Variants in ARHGEF10L observed in about 807,000 individuals in gnomAD.
The protein encoded by ARHGEF10L is Rho guanine nucleotide exchange factor 10 like, also known as rho guanine nucleotide exchange factor 10-like protein.
Under a neutral mutation model 141.2 loss-of-function variants are expected in ARHGEF10L, and 69 were observed. The ratio of observed to expected loss-of-function variants is 0.49; its 90% CI spans 0.40 to 0.60. The LOEUF is 0.60. Among genes scored for constraint, ARHGEF10L ranks in the 20% least tolerant of loss-of-function variants. The pLI is 0.00. For synonymous variants in ARHGEF10L, 711 were observed against 718.5 expected, an observed-to-expected ratio of 0.99 and a Z score of 0.17; for missense variants, 1,482 against 1,734.3, an observed-to-expected ratio of 0.85 and a Z score of 2.58.
intron 4 of ARHGEF10L, among the ~76,000 whole-genome samples, chr1:17,593,730 A>G (rs758521999): frequency 1.3e-5 from 2 of 151,898 alleles, no homozygotes; most frequent in Admixed American, 6.5e-5. Flanking sequence ...TGACCTCCAC[A>G]CCTGTGAGAA....
intron 1 of ARHGEF10L, among the ~76,000 whole-genome samples, chr1:17,560,856 C>T (rs1239828448): frequency 3.3e-5 from 5 of 152,202 alleles, no homozygotes; most frequent in Non-Finnish European, 5.9e-5. Flanking sequence ...TGAGCCACTG[C>T]GCCTGGCCCT....
At chr1:17,549,594 C>T (rs2077039906) in intron 1 of ARHGEF10L, among the ~76,000 whole-genome samples, 1 of 152,144 alleles carries the variant, frequency 6.6e-6, no homozygotes, top group African/African-American at 2.4e-5. Flanking sequence ...AAAAGTATTC[C>T]GGGTAGGAGC....
At chr1:17,601,231 A>G (rs951136391) in intron 4 of ARHGEF10L, among the ~76,000 whole-genome samples, 24 of 152,102 alleles carry the variant, frequency 1.6e-4, no homozygotes, top group African/African-American at 5.3e-4. Flanking sequence ...TACCCATTTC[A>G]TGACGTCTTA....
At chr1:17,636,818 C>T (rs1282153807) in intron 18 of ARHGEF10L, among the ~76,000 whole-genome samples, 1 of 152,160 alleles carries the variant, frequency 6.6e-6, no homozygotes, top group South Asian at 2.1e-4. Context: ...TTCCCCTCCA[C>T]TCCCCTGGGG....
rs914917168 is a variant in ARHGEF10L at position 17,644,129 on chromosome 1, T to C, written c.2272+3827T>C. ...AAGGGGACATGGGCCTGGCAGGCCA[T>C]GGCTAATGCCAAACTCACAGGGACA... On this transcript the variant is annotated intron_variant, in intron 21 of 28. Transcript: ENST00000361221. This position sits in a 1 kb window ranked among gnomAD's most constrained non-coding sequence, Gnocchi z 4.5. Among the ~76,000 whole-genome samples the C allele has an allele frequency of 6.6e-6, 1 of 152,364 alleles. No individual in the cohort carries two copies. Among genetic ancestry groups the C allele is most frequent in the Admixed American group, 6.5e-5 (1 of 15,308 alleles).
At chr1:17,565,604 C>T (rs1315059145) in intron 1 of ARHGEF10L, among the ~76,000 whole-genome samples, 2 of 152,210 alleles carry the variant, frequency 1.3e-5, no homozygotes, top group Admixed American at 6.5e-5. Context: ...TTCTCCTTCC[C>T]CTTCTGGACC....
rs114336769 is a variant in ARHGEF10L, at chr1:17,622,985, C to G, written c.1021-11C>G. On this transcript the variant is annotated splice_polypyrimidine_tract_variant and intron_variant, in intron 11 of 28. Transcript: ENST00000361221. Reference sequence around the variant, plus strand: ...GCCTGGCCTGCGGCCTCACCCCGCCCTCCCCGGCAGGACTACCGCAACCCC... The same window carrying G: ...GCCTGGCCTGCGGCCTCACCCCGCCGTCCCCGGCAGGACTACCGCAACCCC... 686 of 1,609,048 alleles carry G rather than the reference C, an allele frequency of 4.3e-4. 2 individuals carry two copies. In the African/African-American group the frequency reaches 8.5e-3, roughly 20 times the overall value.
At position 17,623,109 on chromosome 1, in the gene ARHGEF10L, C is replaced by A; in HGVS notation, c.1134C>A (p.Ile378=). Residue 378 remains isoleucine, a synonymous_variant, in exon 12 of 29, where the codon ATC becomes ATA. Transcript: ENST00000361221. The surrounding 1 kb of genome is among the most constrained non-coding windows in gnomAD (Gnocchi z 4.7). ...TGCACTGCCACTCCATGTTCCAGAT[C>A]GCCCTGTCCTCCCGCGTGGCTGAGT... The part of the protein sequence containing the change: ...EILHCHSMFQ[I]ALSSRVAEWD... 1.2e-6 allele frequency: 2 copies of A among 1,614,204 alleles called. No individual in the cohort carries two copies. The highest frequency in any genetic ancestry group is 8.5e-7 in the Non-Finnish European group (1 of 1,180,030).
chr1:17,587,121 A>G (rs544099898), intron 2 of ARHGEF10L, among the ~76,000 whole-genome samples: 25 of 152,360 alleles, frequency 1.6e-4, no homozygotes, highest in Admixed American at 1.4e-3. Context: ...GTGCTCACGC[A>G]TAAACACACA....
In ARHGEF10L at chr1:17,597,780, C is replaced by T. The variant is rs144689521; in HGVS notation, c.258-4347C>T. On this transcript the variant is annotated intron_variant, in intron 4 of 28. Transcript: ENST00000361221. ...CCAGCCCAGTACACCAGAGCCAGTACCTGGGCTGGTCGCTCACTGGGTTTT... is the reference window on the plus strand; with the variant it reads ...CCAGCCCAGTACACCAGAGCCAGTATCTGGGCTGGTCGCTCACTGGGTTTT... Among the ~76,000 whole-genome samples, 54 of 152,304 alleles carry T rather than the reference C, an allele frequency of 3.5e-4. 2 individuals are homozygous for T. The East Asian group carries it at 7.9e-3, about 22-fold the overall frequency.
chr1:17,552,571 GTTTTTTTTTTTT>G (rs34766409), intron 1 of ARHGEF10L, among the ~76,000 whole-genome samples: 37 of 44,936 alleles, frequency 8.2e-4, no homozygotes, highest in Admixed American at 4.1e-3. Flanking sequence ...GCTAATTTTC[GTTTTTTTTTTTT>G]TTTTTTTTTT....
At chr1:17,537,236 T>C (rs1461468082), upstream of ARHGEF10L, among the ~76,000 whole-genome samples, 2 of 152,152 alleles carry the variant, frequency 1.3e-5, no homozygotes, top group Admixed American at 6.5e-5. Flanking sequence ...GATTAAATGA[T>C]GGCAACTAAC....
At chr1:17,663,570 A>C (rs1237498552) in intron 25 of ARHGEF10L, among the ~76,000 whole-genome samples, 4 of 151,038 alleles carry the variant, frequency 2.6e-5, no homozygotes, top group South Asian at 2.1e-4. Context: ...AAAAAAAAAA[A>C]CAAAAAAAAA....
At chr1:17,564,813 G>A (rs1174068673) in intron 1 of ARHGEF10L, among the ~76,000 whole-genome samples, 1 of 152,202 alleles carries the variant, frequency 6.6e-6, no homozygotes, top group Non-Finnish European at 1.5e-5. Flanking sequence ...CACGTGTTCG[G>A]TGTCTGATGT....
Position 17,619,486 on chromosome 1 carries a change from G to T in ARHGEF10L, c.942+41G>T. 1 of 1,455,772 alleles carries T rather than the reference G, an allele frequency of 6.9e-7. No individual in the cohort carries two copies. Among genetic ancestry groups the T allele is most frequent in the Non-Finnish European group, 9.3e-7 (1 of 1,072,248 alleles). The allele number at this position is 1,455,772 out of a possible 1,614,324, so 90.2% of individuals were successfully genotyped here. The stretch of plus-strand genomic sequence containing the variant: ...GGGCAGGTGGGGGTCTGCAGGGGAA[G>T]GGGTGGCTTGGGGGTTCCAGCCTGT... On this transcript the variant is annotated intron_variant, in intron 10 of 28. Transcript: ENST00000361221. This position sits in a 1 kb window ranked among gnomAD's most constrained non-coding sequence, Gnocchi z 5.0.
chr1:17,569,797 C>A (rs564169651), intron 1 of ARHGEF10L, among the ~76,000 whole-genome samples: 45 of 152,296 alleles, frequency 3.0e-4, no homozygotes, highest in African/African-American at 1.0e-3. Context: ...CGGAGGCTCG[C>A]GGATCCTGTC....
Position 17,562,224 on chromosome 1 carries a change from G to A in ARHGEF10L, c.-43-18329G>A, listed in dbSNP as rs138323830. ...GATCCTAGGACTTGGAGACCAGCCTGGGCAGCATGATGAGACCCCGTCTCT... is the reference window on the plus strand; with the variant it reads ...GATCCTAGGACTTGGAGACCAGCCTAGGCAGCATGATGAGACCCCGTCTCT... On this transcript the variant is annotated intron_variant, in intron 1 of 28. Transcript: ENST00000361221. Among the ~76,000 whole-genome samples the A allele has an allele frequency of 7.1e-4, 108 of 152,296 alleles. 1 individual carries two copies. The highest frequency in any genetic ancestry group is 2.7e-3 in the Admixed American group (42 of 15,304).
intron 1 of ARHGEF10L, among the ~76,000 whole-genome samples, chr1:17,569,379 G>T (rs1185489878): frequency 6.6e-6 from 1 of 152,242 alleles, no homozygotes; most frequent in Non-Finnish European, 1.5e-5. Flanking sequence ...ATCCTGGGCT[G>T]TGTGGCTGAG....
chr1:17,571,075 A>T (rs926063014), intron 1 of ARHGEF10L, among the ~76,000 whole-genome samples: 1 of 152,112 alleles, frequency 6.6e-6, no homozygotes, highest in Non-Finnish European at 1.5e-5. Flanking sequence ...CAAGGGCAGG[A>T]CAGGCTGGAG....
Sources: allele counts gnomAD v4.1 joint callset (sites outside exome capture counted in the v4.1 genomes callset), GRCh38; gene constraint gnomAD v4.1.1; non-coding constraint Gnocchi (gnomAD v3.1); transcripts MANE v1.5; gene names NCBI Gene and HGNC (gene_info 2026-07-23, HGNC 2026-07-21).